CD44: variants seen among roughly 807,000 people sequenced by gnomAD.
CD44 encodes CD44 molecule (IN blood group), also known as CD44 antigen.
Under a neutral mutation model 88.8 loss-of-function variants are expected in CD44, and 49 were observed. That is an observed-to-expected ratio of 0.55 (90% CI 0.44 to 0.70). CD44 has a LOEUF of 0.70. CD44 is among the 30% of genes least tolerant of loss of function. CD44 has a pLI of 0.00. For missense variants in CD44, 883 were observed against 913.8 expected (o/e 0.97, Z 0.43); for synonymous variants, 325 against 312.3 (o/e 1.04, Z -0.43).
chr11:35,209,308 T>G (rs1948184317), intron 12 of CD44, among the ~76,000 whole-genome samples: 1 of 152,228 alleles, frequency 6.6e-6, no homozygotes, highest in African/African-American at 2.4e-5. Context: ...GAGGGCCCTG[T>G]GTTTGCCCAG....
At position 35,229,946 on chromosome 11, in the gene CD44, T is replaced by A. The variant is rs1591374627; in HGVS notation, c.*613T>A. On this transcript the variant is annotated 3_prime_UTR_variant, in exon 18 of 18. Coordinates refer to ENST00000428726, the MANE Select transcript of CD44 (RefSeq NM_000610.4). ...CCCTGGATCAGTCCTTTGATCAGTA[T>A]AATTTTTTAAAGTTACTTTGTCAGA... 1 of 152,658 alleles carries A rather than the reference T, an allele frequency of 6.6e-6. No homozygotes were observed. Among genetic ancestry groups the A allele is most frequent in the Non-Finnish European group, 1.5e-5 (1 of 68,256 alleles). The allele number at this position is 152,658 out of a possible 1,614,324, so 9.5% of individuals were successfully genotyped here. A position where few individuals can be genotyped will look rare whatever the true frequency, so the allele number is the denominator to read the frequency against.
rs1950032265 is a variant in CD44, at chr11:35,230,985, C to G, written c.*1652C>G. On this transcript the variant is annotated 3_prime_UTR_variant, in exon 18 of 18. Transcript: ENST00000428726. ...TGACTAAATCAGGGCTGGGCTTAGA[C>G]AGAGTTGATCTGTAGAATATCTTTA... 1 of 153,762 alleles carries G rather than the reference C, an allele frequency of 6.5e-6. No homozygotes were observed. Among genetic ancestry groups the G allele is most frequent in the South Asian group, 2.1e-4 (1 of 4,830 alleles). 9.5% of individuals were successfully genotyped at this position (153,762 alleles called of 1,614,324 possible).
rs1253319952 is a variant in CD44, at chr11:35,169,850, T to C, written c.68-6725T>C. On this transcript the variant is annotated intron_variant, in intron 1 of 17. Transcript: ENST00000428726. ...TATCCAGGAGAGAATGCATAGTACC[T>C]GTAACCAGGAGCCTGAATAGGAGGC... 2.6e-5 allele frequency among the ~76,000 whole-genome samples: 4 copies of C among 152,200 alleles called. No homozygotes were observed. In the East Asian group the frequency reaches 7.7e-4, roughly 29 times the overall value.
At chr11:35,204,487 C>T (rs1947636361) in intron 9 of CD44, 25 bp from the exon 10 acceptor site, 1 of 1,610,960 alleles carries the variant, frequency 6.2e-7, no homozygotes. Flanking sequence ...ACAATTATGT[C>T]TCCCAACTGA....
At chr11:35,187,255 C>G (rs1430104295) in intron 4 of CD44, among the ~76,000 whole-genome samples, 3 of 151,696 alleles carry the variant, frequency 2.0e-5, no homozygotes, top group African/African-American at 7.3e-5. Context: ...GCCTGGGCAA[C>G]AGAGTGAGAC....
At chr11:35,215,124 T>C in intron 15 of CD44, 1 of 397,164 alleles carries the variant, frequency 2.5e-6, no homozygotes, top group Non-Finnish European at 4.5e-6. Context: ...GCCCAAGCAT[T>C]TGCATTTCTA....
At chr11:35,206,677 G>GGGC (rs1554971919) in intron 11 of CD44, among the ~76,000 whole-genome samples, 1 of 150,688 alleles carries the variant, frequency 6.6e-6, no homozygotes, top group Non-Finnish European at 1.5e-5. Context: ...GGTGGGGGGG[G>GGGC]CAGTTTTCCT....
chr11:35,221,725 C>T lies in CD44; in HGVS notation c.2017C>T (p.Arg673Ter). 3.7e-6 allele frequency: 6 copies of T among 1,613,820 alleles called. No homozygotes were observed. Among genetic ancestry groups the T allele is most frequent in the Non-Finnish European group, 5.1e-6 (6 of 1,179,734 alleles). ...TGCAGTTTGCATTGCAGTCAACAGT[C>T]GAAGAAGGTAAGGGGCTGTCCTGGG... ...ILAVCIAVNS[R>*]RRCGQKKKLV... Residue 673 changes from arginine (R) to a stop codon, truncating the protein, a stop_gained, in exon 17 of 18, where the codon CGA (arginine) becomes TGA (stop). Transcript: ENST00000428726. LOFTEE classifies it high-confidence loss of function.
chr11:35,180,858 G>GC (rs1944918983), intron 3 of CD44, among the ~76,000 whole-genome samples: 1 of 152,192 alleles, frequency 6.6e-6, no homozygotes, highest in South Asian at 2.1e-4. Flanking sequence ...CCTATATGAA[G>GC]TCTGAAAGTG....
chr11:35,221,578 A>AATT lies in CD44; in HGVS notation c.1946-73_1946-71dup, dbSNP rs1483285392. 7 of 1,250,546 alleles carry AATT rather than the reference A, an allele frequency of 5.6e-6. No individual in the cohort carries two copies. The Admixed American group carries it at 1.0e-4, about 18-fold the overall frequency. The allele number at this position is 1,250,546 out of a possible 1,614,324, so 77.5% of individuals were successfully genotyped here. A position where few individuals can be genotyped will look rare whatever the true frequency, so the allele number is the denominator to read the frequency against. Reference sequence around the variant, plus strand: ...CTGTGGTGCTTGTTTCAACTAGGTCAATTATAAAGTGCATTTTTGTTTTTA... The same window carrying AATT: ...CTGTGGTGCTTGTTTCAACTAGGTCAATTATTATAAAGTGCATTTTTGTTTTTA... On this transcript the variant is annotated intron_variant, in intron 16 of 17. Coordinates refer to ENST00000428726, the MANE Select transcript of CD44 (RefSeq NM_000610.4).
chr11:35,154,346 C>T (rs945142915), intron 1 of CD44, among the ~76,000 whole-genome samples: 9 of 152,130 alleles, frequency 5.9e-5, no homozygotes, highest in South Asian at 2.1e-4. Context: ...CTCTGGGATA[C>T]GAATGTACAA....
Position 35,176,566 on chromosome 11 carries a change from T to C in CD44, c.68-9T>C. 1 of 1,599,664 alleles carries C rather than the reference T, an allele frequency of 6.3e-7. No homozygotes were observed. The highest frequency in any genetic ancestry group is 8.5e-7 in the Non-Finnish European group (1 of 1,174,670). On this transcript the variant is annotated splice_polypyrimidine_tract_variant and intron_variant, in intron 1 of 17. Coordinates refer to ENST00000428726, the MANE Select transcript of CD44 (RefSeq NM_000610.4). ...CAAAAGAATCTAACATTTCTATTTCTTCCCATAGATTTGAATATAACCTGC... is the reference window on the plus strand; with the variant it reads ...CAAAAGAATCTAACATTTCTATTTCCTCCCATAGATTTGAATATAACCTGC...
intron 10 of CD44, among the ~76,000 whole-genome samples, chr11:35,205,545 G>A (rs1947745248): frequency 6.6e-6 from 1 of 152,128 alleles, no homozygotes; most frequent in Non-Finnish European, 1.5e-5. Flanking sequence ...AATGAAGCAA[G>A]GCATGTGCTG....
chr11:35,229,603 C>G lies in CD44; in HGVS notation c.*270C>G. On this transcript the variant is annotated 3_prime_UTR_variant, in exon 18 of 18. Transcript: ENST00000428726. ...TCCCACTTGGAGGCCTTTCATCCCT[C>G]GGGTGTGCTATGGATGGCTTCTAAC... 2 of 446,744 alleles carry G rather than the reference C, an allele frequency of 4.5e-6. No individual in the cohort carries two copies. Among genetic ancestry groups the G allele is most frequent in the South Asian group, 5.4e-5 (2 of 36,988 alleles). The allele number at this position is 446,744 out of a possible 1,614,324, so 27.7% of individuals were successfully genotyped here.
intron 3 of CD44, among the ~76,000 whole-genome samples, chr11:35,181,966 TATAA>T (rs1488602610): frequency 4.5e-4 from 36 of 80,830 alleles, no homozygotes; most frequent in Middle Eastern, 5.8e-3. Flanking sequence ...ATTTTATATA[TATAA>T]ATATTATATA....
intron 5 of CD44, among the ~76,000 whole-genome samples, chr11:35,191,011 G>A (rs1355542031): frequency 6.6e-6 from 1 of 152,102 alleles, no homozygotes; most frequent in Admixed American, 6.5e-5. Context: ...TTTTGAAATG[G>A]GCTCCCAGAT....
chr11:35,228,416 G>A (rs1295538674), intron 17 of CD44, among the ~76,000 whole-genome samples: 2 of 152,158 alleles, frequency 1.3e-5, no homozygotes, highest in African/African-American at 2.4e-5. Flanking sequence ...TGCTGACAAG[G>A]CCGACAAAGT....
chr11:35,184,970 T>C (rs1187637601), intron 3 of CD44, among the ~76,000 whole-genome samples: 1 of 152,242 alleles, frequency 6.6e-6, no homozygotes, highest in Non-Finnish European at 1.5e-5. Flanking sequence ...CATGTTTCTC[T>C]GTCCCCATCA....
intron 8 of CD44, 95 bp from the exon 9 acceptor site, chr11:35,201,576 A>T: frequency 6.7e-7 from 1 of 1,484,386 alleles, no homozygotes; most frequent in Non-Finnish European, 9.2e-7. Context: ...ACTTTGGCAT[A>T]GAATTGTTAA....
Sources: gnomAD v4.1 joint callset for allele counts (sites outside exome capture counted in the v4.1 genomes callset) on GRCh38, gnomAD v4.1.1 for gene constraint, MANE v1.5 for transcripts, NCBI Gene and HGNC (gene_info 2026-07-23, HGNC 2026-07-21) for gene names.